PAX9: variants seen among roughly 807,000 people sequenced by gnomAD.
The protein encoded by PAX9 is paired box protein Pax-9.
Under a neutral mutation model 29.1 loss-of-function variants are expected in PAX9, and 6 were observed. The ratio of observed to expected loss-of-function variants is 0.21; its 90% CI spans 0.11 to 0.41. The LOEUF (loss-of-function observed/expected upper bound fraction) is 0.41. Ranked by LOEUF, PAX9 falls within the 10% of genes least tolerant of loss-of-function variation. The probability of loss-of-function intolerance (pLI) is 1.00; values close to 1 mark genes in which losing one functional copy is unlikely to be tolerated. For missense variants in PAX9, 443 were observed against 479.1 expected, an observed-to-expected ratio of 0.92 and a Z score of 0.70; for synonymous variants, 217 against 211.7, an observed-to-expected ratio of 1.03 and a Z score of -0.22.
rs370909756 is a variant in PAX9, at chr14:36,663,416, C to T, written c.524C>T (p.Thr175Met). 6.8e-6 allele frequency: 11 copies of T among 1,613,018 alleles called. No individual in the cohort carries two copies. Among genetic ancestry groups the T allele is most frequent in the African/African-American group, 1.3e-5 (1 of 74,938 alleles). Residue 175 changes from threonine to methionine, a missense_variant, in exon 2 of 4, where the codon ACG becomes ATG. Physicochemically the swap from Thr to Met is moderately conservative, Grantham distance 81 (BLOSUM62 -1). Around this residue, in one of 2 missense-constraint regions of PAX9, gnomAD observed 336 missense variants for 317.2 expected, o/e 1.06. Transcript: ENST00000361487. ...PITAAAAKVP[T>M]PPGVPAIPGS... The stretch of plus-strand genomic sequence containing the variant: ...ACGGCGGCGGCCGCCAAGGTGCCCA[C>T]GCCACCCGGGGTGCCTGCCATCCCC...
chr14:36,666,276 T>C (rs1881483617), intron 2 of PAX9, 186 bp from the exon 3 acceptor site: 1 of 674,594 alleles, frequency 1.5e-6, no homozygotes, highest in African/African-American at 1.8e-5. Flanking sequence ...GGAGTAAAAC[T>C]TCACCAGGCC....
intron 3 of PAX9, among the ~76,000 whole-genome samples, chr14:36,669,961 C>T (rs1052964387): frequency 1.3e-5 from 2 of 151,992 alleles, no homozygotes; most frequent in African/African-American, 2.4e-5. Flanking sequence ...TCTCTGCTTC[C>T]TGATGGCCGG....
intron 2 of PAX9, among the ~76,000 whole-genome samples, chr14:36,664,999 G>A (rs1470132890): frequency 1.3e-5 from 2 of 151,996 alleles, no homozygotes; most frequent in African/African-American, 4.8e-5. Context: ...AGAAATGGGG[G>A]CTCACAGGGG....
At chr14:36,673,146 G>A (rs903425305) in intron 3 of PAX9, among the ~76,000 whole-genome samples, 4 of 151,858 alleles carry the variant, frequency 2.6e-5, no homozygotes, top group Non-Finnish European at 4.4e-5. Flanking sequence ...GATTACAGGC[G>A]TGAGCCACCG....
At chr14:36,659,614 C>A (rs936672076), upstream of PAX9, among the ~76,000 whole-genome samples, 1 of 152,218 alleles carries the variant, frequency 6.6e-6, no homozygotes, top group Non-Finnish European at 1.5e-5. Context: ...TGCGGGGAGC[C>A]GCCAGAGCTG....
rs575344321 is a variant in PAX9, at chr14:36,679,107, G to A, written c.*2655G>A. On this transcript the variant is annotated 3_prime_UTR_variant, in exon 4 of 4. Coordinates refer to ENST00000361487, the MANE Select transcript of PAX9 (RefSeq NM_001372076.1). ...ATTTCATGACCTCTATGCAGGCAGC[G>A]CTCTCATTGGATGTAAGAATATTAC... 18 of 985,356 alleles carry A rather than the reference G, an allele frequency of 1.8e-5. No homozygotes were observed. In the Admixed American group the frequency reaches 3.1e-4, roughly 17 times the overall value. The allele number at this position is 985,356 out of a possible 1,614,324, so 61.0% of individuals were successfully genotyped here. A position where few individuals can be genotyped will look rare whatever the true frequency, so the allele number is the denominator to read the frequency against.
chr14:36,669,745 C>T (rs1187690809), intron 3 of PAX9, among the ~76,000 whole-genome samples: 1 of 152,028 alleles, frequency 6.6e-6, no homozygotes, highest in Non-Finnish European at 1.5e-5. Flanking sequence ...TATGCATATA[C>T]CTATCTTTTG....
chr14:36,669,246 G>C (rs1174196994), intron 3 of PAX9, among the ~76,000 whole-genome samples: 2 of 152,104 alleles, frequency 1.3e-5, no homozygotes, highest in Non-Finnish European at 2.9e-5. Flanking sequence ...ATTAATACTT[G>C]TTTATAAACA....
upstream of PAX9, among the ~76,000 whole-genome samples, chr14:36,659,532 A>G (rs1881176757): frequency 6.6e-6 from 1 of 152,040 alleles, no homozygotes; most frequent in Admixed American, 6.5e-5. Context: ...AAACACCTAA[A>G]ATTGACTCTT....
rs1555318123 is a variant in PAX9 at position 36,679,338 on chromosome 14, CTAAAT to C, written c.*2890_*2894del. 1.0e-6 allele frequency: 1 copy of C among 969,758 alleles called. No homozygotes were observed. The highest frequency in any genetic ancestry group is 1.2e-6 in the Non-Finnish European group (1 of 815,948). The allele number at this position is 969,758 out of a possible 1,614,324, so 60.1% of individuals were successfully genotyped here. On this transcript the variant is annotated 3_prime_UTR_variant, in exon 4 of 4. Coordinates refer to ENST00000361487, the MANE Select transcript of PAX9 (RefSeq NM_001372076.1). ...CTTTTATTTTTATACTTCAAATGCT[CTAAAT>C]TAATAAAAAGTAATAATTACCATGT...
upstream of PAX9, among the ~76,000 whole-genome samples, chr14:36,661,269 C>T (rs1881253155): frequency 6.6e-6 from 1 of 152,230 alleles, no homozygotes; most frequent in South Asian, 2.1e-4. Flanking sequence ...GTAGGAGGAA[C>T]CTCCCTGGCC....
rs1566479457 is a variant in PAX9 at position 36,676,495 on chromosome 14, C to G, written c.*43C>G. On this transcript the variant is annotated 3_prime_UTR_variant, in exon 4 of 4. Coordinates refer to ENST00000361487, the MANE Select transcript of PAX9 (RefSeq NM_001372076.1). ...AGCAGCTTCACCCGGGTCTCCCTGT[C>G]TCAGCACCTCCTCCCCCAATTCCCA... The G allele has an allele frequency of 1.2e-6, 2 of 1,603,604 alleles. No homozygotes were observed. Among genetic ancestry groups the G allele is most frequent in the Non-Finnish European group, 1.7e-6 (2 of 1,179,050 alleles).
chr14:36,663,252 G>T lies in PAX9; in HGVS notation c.360G>T (p.Val120=), dbSNP rs1381812439. Reference sequence around the variant, plus strand: ...GCGACAAGTACAATGTGCCCTCCGTGAGCTCCATCAGCCGCATTCTGCGCA... The same window carrying T: ...GCGACAAGTACAATGTGCCCTCCGTTAGCTCCATCAGCCGCATTCTGCGCA... ...GVCDKYNVPS[V]SSISRILRNK... Residue 120 remains valine (V), a synonymous_variant, in exon 2 of 4, where the codon GTG becomes GTT. Transcript: ENST00000361487. 16 of 1,614,138 alleles carry T rather than the reference G, an allele frequency of 9.9e-6. No homozygotes were observed. The highest frequency in any genetic ancestry group is 1.4e-5 in the Non-Finnish European group (16 of 1,180,040).
intron 3 of PAX9, among the ~76,000 whole-genome samples, chr14:36,669,497 G>A (rs1881631499): frequency 6.6e-6 from 1 of 151,986 alleles, no homozygotes; most frequent in African/African-American, 2.4e-5. Context: ...ATTAAATAGT[G>A]CAAAATTATA....
At chr14:36,669,130 T>C (rs1881615850) in intron 3 of PAX9, among the ~76,000 whole-genome samples, 1 of 152,176 alleles carries the variant, frequency 6.6e-6, no homozygotes, top group Admixed American at 6.5e-5. Flanking sequence ...TCTATGATAA[T>C]TATCAAAATA....
chr14:36,664,364 G>T (rs1881409195), intron 2 of PAX9, among the ~76,000 whole-genome samples: 1 of 90,550 alleles, frequency 1.1e-5, no homozygotes, highest in African/African-American at 4.0e-5. Flanking sequence ...TGGGGTCCCC[G>T]GGTCCCCGGG....
rs1307023672 is a variant in PAX9, at chr14:36,676,441, T to G, written c.1015T>G (p.Ser339Ala). Residue 339 changes from serine (S) to alanine (A), a missense_variant, in exon 4 of 4, where the codon TCC (serine) becomes GCC (alanine). Ser to Ala is a moderately conservative substitution (Grantham distance 99). Around this residue, in one of 2 missense-constraint regions of PAX9, gnomAD observed 336 missense variants for 317.2 expected, o/e 1.06. Transcript: ENST00000361487. ...AGAAGGTAGTCATTCTGTCACGGCT[T>G]CCGCGCTCTGATGGGAAATTCCGTC... ...AREGSHSVTA[S>A]AL 6.2e-7 allele frequency: 1 copy of G among 1,613,268 alleles called. No homozygotes were observed. Among genetic ancestry groups the G allele is most frequent in the Non-Finnish European group, 8.5e-7 (1 of 1,180,016 alleles).
chr14:36,675,098 C>T (rs1220945177), intron 3 of PAX9, among the ~76,000 whole-genome samples: 1 of 152,108 alleles, frequency 6.6e-6, no homozygotes, highest in Non-Finnish European at 1.5e-5. Context: ...CAATTTTCCT[C>T]ATAAAATTCT....
In PAX9 at chr14:36,676,587, ATCC is replaced by A; in HGVS notation, c.*137_*139del. On this transcript the variant is annotated 3_prime_UTR_variant, in exon 4 of 4. Transcript: ENST00000361487. ...TTGAAAGCTGGCTGTACGGACTCAC[ATCC>A]TTTGTGCTAATGACACTTACATATT... is the stretch of plus-strand genomic sequence containing the variant. 1 of 978,552 alleles carries A rather than the reference ATCC, an allele frequency of 1.0e-6. No homozygotes were observed. Among genetic ancestry groups the A allele is most frequent in the Non-Finnish European group, 1.6e-6 (1 of 639,580 alleles). 60.6% of individuals were successfully genotyped at this position (978,552 alleles called of 1,614,324 possible). A position where few individuals can be genotyped will look rare whatever the true frequency, so the allele number is the denominator to read the frequency against.
Sources: allele counts gnomAD v4.1 joint callset (sites outside exome capture counted in the v4.1 genomes callset), GRCh38; gene constraint gnomAD v4.1.1; regional missense constraint gnomAD v4.1.1; transcripts MANE v1.5; gene names NCBI Gene and HGNC (gene_info 2026-07-23, HGNC 2026-07-21).